The following TSC1 variants were observed in gnomAD, a reference collection of about 807,000 sequenced individuals.
The protein encoded by TSC1 is TSC complex subunit 1, also known as hamartin.
TSC1 carries 20 observed loss-of-function variants against 124.3 expected under a neutral mutation model. That is an observed-to-expected ratio of 0.16 (90% CI 0.11 to 0.23). The LOEUF (loss-of-function observed/expected upper bound fraction) is 0.23, where lower values mean the gene tolerates loss of function less well. Ranked by LOEUF, TSC1 falls within the 10% of genes least tolerant of loss-of-function variation. The pLI, the probability that TSC1 is intolerant of heterozygous loss-of-function variation, is 1.00. For synonymous variants in TSC1, 493 were observed against 539.1 expected (o/e 0.91, Z 1.19); for missense variants, 1,124 against 1,448.5 (o/e 0.78, Z 3.64).
rs551944711 is a variant in TSC1 at position 132,893,405 on chromosome 9, A to T, written c.*2830T>A. The T allele has an allele frequency of 4.3e-6, 1 of 233,126 alleles. No homozygotes were observed. The highest frequency in any genetic ancestry group is 8.5e-6 in the Non-Finnish European group (1 of 118,058). 14.4% of individuals were successfully genotyped at this position (233,126 alleles called of 1,614,324 possible). A position where few individuals can be genotyped will look rare whatever the true frequency, so the allele number is the denominator to read the frequency against. ...CATAATAACAATTTTTATAGACTGT[A>T]TAGCAGAGCCTTGTCAACGGCTTTT... On this transcript the variant is annotated 3_prime_UTR_variant, in exon 23 of 23. Coordinates refer to ENST00000298552, the MANE Select transcript of TSC1 (RefSeq NM_000368.5).
chr9:132,920,924 G>A (rs1395795115), intron 8 of TSC1, among the ~76,000 whole-genome samples: 1 of 151,804 alleles, frequency 6.6e-6, no homozygotes, highest in African/African-American at 2.4e-5. Flanking sequence ...GGATGGTATA[G>A]TCAACTGGCT....
chr9:132,904,132 C>T (rs1055767037), intron 16 of TSC1, among the ~76,000 whole-genome samples: 4 of 152,130 alleles, frequency 2.6e-5, no homozygotes, highest in Non-Finnish European at 4.4e-5. Context: ...GTGTGTTCTC[C>T]CCCAGGAAGA....
chr9:132,901,861 T>C (rs1845392053), intron 18 of TSC1, 162 bp from the exon 19 acceptor site: 3 of 637,282 alleles, frequency 4.7e-6, no homozygotes, highest in African/African-American at 1.8e-5. Context: ...AAGTAAGTTA[T>C]GGTTGATTTC....
In TSC1 at chr9:132,905,840, T is replaced by C. The variant is rs1179358967; in HGVS notation, c.1738A>G (p.Ile580Val). 4 of 1,613,754 alleles carry C rather than the reference T, an allele frequency of 2.5e-6. No individual in the cohort carries two copies. In the African/African-American group the frequency reaches 4.0e-5, roughly 16 times the overall value. Residue 580 changes from isoleucine (I) to valine (V), a missense_variant, in exon 15 of 23, where the codon ATC (isoleucine) becomes GTC (valine). Around this residue, in one of 5 missense-constraint regions of TSC1, gnomAD observed 321 missense variants for 397.4 expected, o/e 0.81. Transcript: ENST00000298552. ...ATTTTACAAGGACTGGGAGTGAAGA[T>C]ACTGGTCTCCAAAGAAGTCTGGCAT... ...RECQTSLETS[I>V]FTPSPCKIPP...
chr9:132,944,405 C>T (rs1250331040), intron 1 of TSC1, 138 bp downstream of exon 1: 5 of 392,936 alleles, frequency 1.3e-5, no homozygotes, highest in Non-Finnish European at 2.2e-5. Context: ...GCTCTCCGAA[C>T]CCCCCTTCCC....
At chr9:132,899,359 G>A (rs890931966) in intron 20 of TSC1, 2 of 152,260 alleles carry the variant, frequency 1.3e-5, no homozygotes, top group African/African-American at 4.8e-5. Context: ...TGGAAGACAA[G>A]GTCTGCAGGA....
intron 8 of TSC1, among the ~76,000 whole-genome samples, chr9:132,914,649 A>G (rs189815199): frequency 1.4e-4 from 21 of 150,738 alleles, no homozygotes; most frequent in African/African-American, 4.6e-4. Context: ...ACTTGAGGCC[A>G]AGTTCGAGAC....
chr9:132,933,839 A>G (rs974531064), intron 2 of TSC1, among the ~76,000 whole-genome samples: 3 of 152,228 alleles, frequency 2.0e-5, no homozygotes, highest in African/African-American at 7.2e-5. Flanking sequence ...TGATGGTGAT[A>G]TTTAGCTTGG....
At chr9:132,915,016 CAA>C (rs1846195671) in intron 8 of TSC1, among the ~76,000 whole-genome samples, 1 of 142,302 alleles carries the variant, frequency 7.0e-6, no homozygotes, top group South Asian at 2.2e-4. Flanking sequence ...CCCATCTCTA[CAA>C]CAACAACAAC....
In TSC1 at chr9:132,910,986, C is replaced by T. The variant is rs2131955589; in HGVS notation, c.1141+16G>A. The stretch of plus-strand genomic sequence containing the variant: ...GCCAAAACCAACTAATCAAATCCAA[C>T]CTAAGACATACATACCAGTTGTACC... On this transcript the variant is annotated intron_variant, in intron 11 of 22. Coordinates refer to ENST00000298552, the MANE Select transcript of TSC1 (RefSeq NM_000368.5). The T allele has an allele frequency of 1.9e-6, 3 of 1,610,230 alleles. No individual in the cohort carries two copies. Among genetic ancestry groups the T allele is most frequent in the Non-Finnish European group, 2.6e-6 (3 of 1,176,434 alleles).
intron 8 of TSC1, among the ~76,000 whole-genome samples, chr9:132,913,266 G>C (rs1167484198): frequency 1.3e-5 from 2 of 152,114 alleles, no homozygotes; most frequent in African/African-American, 4.8e-5. Flanking sequence ...CAACGTGTTA[G>C]TATGGCATAA....
In TSC1 at chr9:132,906,677, A is replaced by G; in HGVS notation, c.1438+54T>C. On this transcript the variant is annotated intron_variant, in intron 14 of 22. Coordinates refer to ENST00000298552, the MANE Select transcript of TSC1 (RefSeq NM_000368.5). This position sits in a 1 kb window ranked among gnomAD's most constrained non-coding sequence, Gnocchi z 4.1. ...AGCAATGGCACAAAATCCCAGATTT[A>G]TAGCAGAGCGAGGGTCAGGTTTTAT... The G allele has an allele frequency of 6.8e-7, 1 of 1,467,114 alleles. No individual in the cohort carries two copies. The allele number at this position is 1,467,114 out of a possible 1,614,324, so 90.9% of individuals were successfully genotyped here. A position where few individuals can be genotyped will look rare whatever the true frequency, so the allele number is the denominator to read the frequency against.
chr9:132,920,147 T>C (rs1846471546), intron 8 of TSC1, among the ~76,000 whole-genome samples: 1 of 152,202 alleles, frequency 6.6e-6, no homozygotes, highest in African/African-American at 2.4e-5. Context: ...TGCACTGACT[T>C]CCCAGAAGGG....
chr9:132,919,518 G>T (rs934834147), intron 8 of TSC1, among the ~76,000 whole-genome samples: 5 of 152,180 alleles, frequency 3.3e-5, no homozygotes, highest in Admixed American at 1.3e-4. Flanking sequence ...TGGAAGCAGG[G>T]TGGCAATGGA....
In TSC1 at chr9:132,913,809, G is replaced by A. The variant is rs1220570719; in HGVS notation, c.738-1352C>T. Among the ~76,000 whole-genome samples, 61 of 125,960 alleles carry A rather than the reference G, an allele frequency of 4.8e-4. 1 individual carries two copies. The highest frequency in any genetic ancestry group is 4.1e-3 in the Admixed American group (48 of 11,844). The allele number at this position is 125,960 out of a possible 152,430, so 82.6% of individuals were successfully genotyped here. A position where few individuals can be genotyped will look rare whatever the true frequency, so the allele number is the denominator to read the frequency against. ...CCACTGCACTCCAGCCTGGGCGATA[G>A]AGCGAGACTCCGTCTCAAAAAAAAA... On this transcript the variant is annotated intron_variant, in intron 8 of 22. Coordinates refer to ENST00000298552, the MANE Select transcript of TSC1 (RefSeq NM_000368.5).
At chr9:132,934,097 C>T (rs903497739) in intron 2 of TSC1, among the ~76,000 whole-genome samples, 6 of 152,122 alleles carry the variant, frequency 3.9e-5, no homozygotes, top group Non-Finnish European at 7.4e-5. Flanking sequence ...ACAATTCCTA[C>T]GACAGAGGTG....
chr9:132,913,094 G>A (rs967322361), intron 8 of TSC1, among the ~76,000 whole-genome samples: 6 of 151,808 alleles, frequency 4.0e-5, no homozygotes, highest in East Asian at 1.9e-4. Context: ...ACGTGCCACC[G>A]TGCCTGGCTA....
rs1845433616 is a variant in TSC1, at chr9:132,902,500, A to G, written c.2391+105T>C. 1 of 1,326,710 alleles carries G rather than the reference A, an allele frequency of 7.5e-7. No individual in the cohort carries two copies. The highest frequency in any genetic ancestry group is 1.7e-5 in the Admixed American group (1 of 59,526). The allele number at this position is 1,326,710 out of a possible 1,614,324, so 82.2% of individuals were successfully genotyped here. On this transcript the variant is annotated intron_variant, in intron 18 of 22. Coordinates refer to ENST00000298552, the MANE Select transcript of TSC1 (RefSeq NM_000368.5). This position sits in a 1 kb window ranked among gnomAD's most constrained non-coding sequence, Gnocchi z 5.2. Reference sequence around the variant, plus strand: ...TTTCAGAGAGAAAAGCATTCAGCTTAGTAAAGCTGAACAAGTCAAGGACAC... The same window carrying G: ...TTTCAGAGAGAAAAGCATTCAGCTTGGTAAAGCTGAACAAGTCAAGGACAC...
chr9:132,910,616 G>C lies in TSC1; in HGVS notation c.1218C>G (p.Tyr406Ter). The C allele has an allele frequency of 6.2e-7, 1 of 1,614,108 alleles. No individual in the cohort carries two copies. The highest frequency in any genetic ancestry group is 8.5e-7 in the Non-Finnish European group (1 of 1,180,026). The part of the protein sequence containing the change: ...PPAPLCHSDD[Y>*]VHISLPQATV... ...TGGCCTGGGGGAGTGAAATGTGCAC[G>C]TAGTCATCCGAATGACAGAGTGGGG... Residue 406 changes from tyrosine to a stop codon, truncating the protein, a stop_gained, in exon 12 of 23, where the codon TAC becomes TAG. Coordinates refer to ENST00000298552, the MANE Select transcript of TSC1 (RefSeq NM_000368.5). LOFTEE classifies it high-confidence loss of function.
Sources: allele counts gnomAD v4.1 joint callset (sites outside exome capture counted in the v4.1 genomes callset), GRCh38; gene constraint gnomAD v4.1.1; regional missense constraint gnomAD v4.1.1; non-coding constraint Gnocchi (gnomAD v3.1); transcripts MANE v1.5; gene names NCBI Gene and HGNC (gene_info 2026-07-23, HGNC 2026-07-21).